PDZD2: variants seen among roughly 807,000 people sequenced by gnomAD.
PDZD2 encodes the protein PDZ domain-containing protein 2.
Under a neutral mutation model 220.7 loss-of-function variants are expected in PDZD2, and 90 were observed. That is an observed-to-expected ratio of 0.41 (90% confidence interval 0.34 to 0.49). The LOEUF is 0.49. Among genes scored for constraint, PDZD2 ranks in the 20% least tolerant of loss-of-function variants. The probability of loss-of-function intolerance (pLI) is 0.28; values close to 1 mark genes in which losing one functional copy is unlikely to be tolerated. For missense variants in PDZD2, 3,174 were observed against 3,608.5 expected, an observed-to-expected ratio of 0.88 and a Z score of 3.08; for synonymous variants, 1,375 against 1,450.5, an observed-to-expected ratio of 0.95 and a Z score of 1.18.
chr5:31,779,668 C>T (rs191484659), intron 1 of PDZD2, among the ~76,000 whole-genome samples: 11 of 152,158 alleles, frequency 7.2e-5, no homozygotes, highest in South Asian at 2.1e-4. Flanking sequence ...CCACCGCGCC[C>T]GGCCAAAAAT....
chr5:31,969,175 TAGGAAAGTGAGA>T (rs1455553438), intron 2 of PDZD2, among the ~76,000 whole-genome samples: 11 of 151,922 alleles, frequency 7.2e-5, no homozygotes, highest in South Asian at 2.1e-4. Context: ...TGGGGCATGT[TAGGAAAGTGAGA>T]AGGAAAGTGA....
At chr5:31,767,735 C>G (rs1042876534) in intron 1 of PDZD2, among the ~76,000 whole-genome samples, 9 of 152,174 alleles carry the variant, frequency 5.9e-5, no homozygotes, top group African/African-American at 2.2e-4. Context: ...AGCAATTGCC[C>G]AGGCCCCTCA....
chr5:32,005,921 GCAGATCACTTGAGGT>G (rs1752760683), intron 5 of PDZD2, among the ~76,000 whole-genome samples: 1 of 152,266 alleles, frequency 6.6e-6, no homozygotes, highest in South Asian at 2.1e-4. Context: ...GCCAAGGTGG[GCAGATCACTTGAGGT>G]CAGGATTCGA....
In PDZD2 at chr5:32,088,210, A is replaced by G; in HGVS notation, c.4762A>G (p.Lys1588Glu). The change falls in exon 20 of 25, where the codon AAG (lysine) becomes GAG (glutamate). Residue 1588 changes from lysine (K) to glutamate (E), a missense_variant. Transcript: ENST00000438447. The surrounding 1 kb of genome is among the most constrained non-coding windows in gnomAD (Gnocchi z 4.6). Reference sequence around the variant, plus strand: ...TCCTCGTTCCCGTGTGTCTTTGCACAAGGAAGATCCTTCGGAGTCAGAAGA... The same window carrying G: ...TCCTCGTTCCCGTGTGTCTTTGCACGAGGAAGATCCTTCGGAGTCAGAAGA... ...SPPRSRVSLH[K>E]EDPSESEEEQ... is the part of the protein sequence containing the mutation. The G allele has an allele frequency of 6.2e-7, 1 of 1,614,138 alleles. No homozygotes were observed. The highest frequency in any genetic ancestry group is 1.1e-5 in the South Asian group (1 of 91,074).
chr5:32,028,675 GTTTT>G (rs1554028497), intron 6 of PDZD2, among the ~76,000 whole-genome samples: 4,478 of 46,690 alleles, frequency 0.096, 227 homozygotes, highest in African/African-American at 0.19. Flanking sequence ...TTTTTTTTTT[GTTTT>G]TTTTGTTTTT....
intron 1 of PDZD2, among the ~76,000 whole-genome samples, chr5:31,715,800 C>T (rs902261686): frequency 5.3e-5 from 8 of 152,320 alleles, no homozygotes; most frequent in East Asian, 1.9e-4. Flanking sequence ...TCTGGACTAA[C>T]GGGAGTTTCT....
At chr5:31,844,942 A>T (rs1757507426) in intron 2 of PDZD2, among the ~76,000 whole-genome samples, 1 of 152,204 alleles carries the variant, frequency 6.6e-6, no homozygotes, top group Non-Finnish European at 1.5e-5. Flanking sequence ...GTGAGTGGGA[A>T]CAAGTTTCTT....
chr5:31,734,267 G>C (rs1449372824), intron 1 of PDZD2, among the ~76,000 whole-genome samples: 1 of 152,170 alleles, frequency 6.6e-6, no homozygotes, highest in African/African-American at 2.4e-5. Flanking sequence ...AAAAACCTCT[G>C]AATGTTCAGC....
intron 7 of PDZD2, among the ~76,000 whole-genome samples, chr5:32,044,254 A>G (rs895151033): frequency 1.8e-4 from 28 of 152,156 alleles, no homozygotes; most frequent in African/African-American, 6.5e-4. Flanking sequence ...GCTTGAACCC[A>G]GGAAGCGGAG....
At chr5:31,643,414 C>T (rs530111156) in intron 1 of PDZD2, among the ~76,000 whole-genome samples, 105 of 152,314 alleles carry the variant, frequency 6.9e-4, no homozygotes, top group Non-Finnish European at 1.1e-3. Context: ...TGCAAAGATC[C>T]AGTTACCAGG....
chr5:31,883,776 A>G (rs1490849379), intron 2 of PDZD2, among the ~76,000 whole-genome samples: 2 of 151,830 alleles, frequency 1.3e-5, no homozygotes, highest in Admixed American at 6.6e-5. Context: ...TAATTTTTGT[A>G]TTTTTAGTAG....
chr5:31,864,896 T>A (rs1410629739), intron 2 of PDZD2, among the ~76,000 whole-genome samples: 1 of 136,222 alleles, frequency 7.3e-6, no homozygotes, highest in Non-Finnish European at 1.5e-5. Flanking sequence ...TCGCCCAGGC[T>A]AGTGTGCAGT....
chr5:31,796,259 A>T (rs1754017077), intron 1 of PDZD2, among the ~76,000 whole-genome samples: 2 of 152,224 alleles, frequency 1.3e-5, no homozygotes, highest in South Asian at 4.2e-4. Context: ...TTACAATGTA[A>T]TTTATTGTAA....
In PDZD2 at chr5:32,087,720, G is replaced by A. The variant is rs1242389914; in HGVS notation, c.4272G>A (p.Val1424=). The A allele has an allele frequency of 6.2e-7, 1 of 1,613,950 alleles. No homozygotes were observed. Among genetic ancestry groups the A allele is most frequent in the Non-Finnish European group, 8.5e-7 (1 of 1,179,956 alleles). The part of the protein sequence containing the change: ...CCPGGSRESP[V]TDIDSFIKEL... ...CAGGGGGGAGTAGAGAGAGCCCTGT[G>A]ACGGACATTGACAGCTTCATCAAGG... The change falls in exon 20 of 25, where the codon GTG becomes GTA. Residue 1424 remains valine, a synonymous_variant. Coordinates refer to ENST00000438447, the MANE Select transcript of PDZD2 (RefSeq NM_178140.4). This position sits in a 1 kb window ranked among gnomAD's most constrained non-coding sequence, Gnocchi z 4.0.
chr5:32,014,321 T>C lies in PDZD2; in HGVS notation c.1407+3839T>C, dbSNP rs376662156. ...TGAGGATCTGCCATGCGTCCCCTTA[T>C]GATTTATTTTTAATGGCTACAATAA... On this transcript the variant is annotated intron_variant, in intron 6 of 24. Transcript: ENST00000438447. Among the ~76,000 whole-genome samples the C allele has an allele frequency of 3.3e-5, 5 of 152,310 alleles. No homozygotes were observed. In the South Asian group the frequency reaches 1.0e-3, roughly 32 times the overall value.
chr5:32,008,022 C>T (rs1752974002), intron 5 of PDZD2, among the ~76,000 whole-genome samples: 1 of 152,026 alleles, frequency 6.6e-6, no homozygotes, highest in Non-Finnish European at 1.5e-5. Flanking sequence ...GGGCGCGGTC[C>T]CTCATGCCTG....
intron 2 of PDZD2, 144 bp from the exon 3 acceptor site, chr5:31,983,011 G>A: frequency 1.4e-6 from 1 of 702,124 alleles, no homozygotes; most frequent in Non-Finnish European, 2.4e-6. Flanking sequence ...AATGAATTGG[G>A]TGTTGAATCT....
chr5:31,895,014 C>T (rs146396870), intron 2 of PDZD2, among the ~76,000 whole-genome samples: 124 of 152,200 alleles, frequency 8.1e-4, no homozygotes, highest in African/African-American at 2.9e-3. Flanking sequence ...CTCAGCCTCC[C>T]GAGTAGCTGG....
At chr5:32,045,058 C>T (rs1390697481) in intron 7 of PDZD2, among the ~76,000 whole-genome samples, 1 of 152,216 alleles carries the variant, frequency 6.6e-6, no homozygotes, top group African/African-American at 2.4e-5. Context: ...AGCATAGATG[C>T]TACTGTATGT....
Sources: gnomAD v4.1 joint callset for allele counts (sites outside exome capture counted in the v4.1 genomes callset) on GRCh38, gnomAD v4.1.1 for gene constraint, Gnocchi (gnomAD v3.1) non-coding constraint, MANE v1.5 for transcripts, NCBI Gene and HGNC (gene_info 2026-07-23, HGNC 2026-07-21) for gene names.